The following SYT12 variants were observed in gnomAD, a reference collection of about 807,000 sequenced individuals.
SYT12 encodes the protein synaptotagmin 12, also known as synaptotagmin-12.
Under a neutral mutation model 39.5 loss-of-function variants are expected in SYT12, and 27 were observed. The ratio of observed to expected loss-of-function variants is 0.68; its 90% CI spans 0.50 to 0.94. The LOEUF is 0.94. Among genes scored for constraint, SYT12 ranks in the 40% least tolerant of loss-of-function variants. The probability of loss-of-function intolerance (pLI) is 0.00; values close to 1 mark genes in which losing one functional copy is unlikely to be tolerated. For missense variants in SYT12, 536 were observed against 572.6 expected (o/e 0.94, Z 0.65); for synonymous variants, 233 against 239.7 (o/e 0.97, Z 0.26).
At chr11:67,042,628 T>C (rs1055064903) in intron 4 of SYT12, among the ~76,000 whole-genome samples, 1 of 152,254 alleles carries the variant, frequency 6.6e-6, no homozygotes, top group East Asian at 1.9e-4. Context: ...GAATGGCTGG[T>C]TGGGGAGCCC....
chr11:67,041,555 C>G (rs746808899), intron 4 of SYT12, among the ~76,000 whole-genome samples: 2 of 152,100 alleles, frequency 1.3e-5, no homozygotes, highest in Non-Finnish European at 2.9e-5. Flanking sequence ...GGGGCAGCCT[C>G]AGGGATGGCA....
In SYT12 at chr11:67,039,874, C is replaced by T. The variant is rs1487174546; in HGVS notation, c.292C>T (p.Leu98Phe). The T allele has an allele frequency of 6.2e-7, 1 of 1,613,590 alleles. No individual in the cohort carries two copies. The highest frequency in any genetic ancestry group is 8.5e-7 in the Non-Finnish European group (1 of 1,180,032). ...GGGACCACCCAGCCGCAAAGGCAGT[C>T]TCAGCATTGAGGACACCTTTGAGAG... The part of the protein sequence containing the change: ...TRGPPSRKGS[L>F]SIEDTFESIS... Residue 98 changes from leucine to phenylalanine, a missense_variant, in exon 4 of 8, where the codon CTC becomes TTC. Leu to Phe is a conservative substitution (Grantham distance 22, BLOSUM62 0). Coordinates refer to ENST00000527043, the MANE Select transcript of SYT12 (RefSeq NM_177963.4).
chr11:67,017,244 G>A (rs1253439), intron 3 of SYT12, among the ~76,000 whole-genome samples: 44,636 of 152,048 alleles, frequency 0.29, 6,748 homozygotes, highest in Non-Finnish European at 0.33. Flanking sequence ...AGTTGAGGCC[G>A]GGTATGGTGG....
chr11:67,037,579 A>G (rs1034666374), intron 3 of SYT12, among the ~76,000 whole-genome samples: 2 of 151,460 alleles, frequency 1.3e-5, no homozygotes, highest in Non-Finnish European at 2.9e-5. Context: ...TAAATAAATA[A>G]ATAAATAAAA....
At chr11:67,018,801 C>A (rs909060827), upstream of SYT12, among the ~76,000 whole-genome samples, 1 of 150,926 alleles carries the variant, frequency 6.6e-6, no homozygotes, top group Admixed American at 6.6e-5. Context: ...CCAGCCTGGG[C>A]GACAGAGCGA....
chr11:67,008,699 C>T (rs1949990086), intron 1 of SYT12, among the ~76,000 whole-genome samples: 1 of 152,010 alleles, frequency 6.6e-6, no homozygotes, highest in Non-Finnish European at 1.5e-5. Flanking sequence ...TACAGGCATG[C>T]GGCATCATGC....
At chr11:67,035,917 T>G (rs1950372586) in intron 3 of SYT12, among the ~76,000 whole-genome samples, 1 of 135,628 alleles carries the variant, frequency 7.4e-6, no homozygotes, top group Non-Finnish European at 1.6e-5. Context: ...CTTCCTTCCT[T>G]TCTTTTCTTT....
At position 67,043,730 on chromosome 11, in the gene SYT12, T is replaced by C. The variant is rs946693810; in HGVS notation, c.714T>C (p.Ser238=). 2.0e-5 allele frequency: 32 copies of C among 1,614,048 alleles called. No homozygotes were observed. The highest frequency in any genetic ancestry group is 2.5e-5 in the Non-Finnish European group (30 of 1,180,046). Residue 238 remains serine, a synonymous_variant, in exon 5 of 8, where the codon TCT becomes TCC. Transcript: ENST00000527043. ...TALEEKSLRF[S]VFGIDEDERN... ...TGGAGGAGAAGAGCCTGCGGTTTTCTGTATTTGGCATCGATGAGGATGAGC... is the reference window on the plus strand; with the variant it reads ...TGGAGGAGAAGAGCCTGCGGTTTTCCGTATTTGGCATCGATGAGGATGAGC...
At position 67,048,658 on chromosome 11, in the gene SYT12, T is replaced by C. The variant is rs1360885883; in HGVS notation, c.1167T>C (p.Ile389=). The C allele has an allele frequency of 6.2e-7, 1 of 1,612,762 alleles. No homozygotes were observed. Among genetic ancestry groups the C allele is most frequent in the Non-Finnish European group, 8.5e-7 (1 of 1,179,266 alleles). ...GRGDNVGHVI[I]GPSASGMGTT... ...GGGACAACGTGGGCCATGTCATCAT[T>C]GGGCCGTCAGCCAGTGGCATGGGAA... Residue 389 remains isoleucine, a synonymous_variant, in exon 8 of 8, where the codon ATT becomes ATC. Transcript: ENST00000527043.
At chr11:67,025,387 G>C (rs921603260) in intron 1 of SYT12, among the ~76,000 whole-genome samples, 8 of 152,224 alleles carry the variant, frequency 5.3e-5, no homozygotes, top group African/African-American at 1.2e-4. Flanking sequence ...ATTTGGGACT[G>C]AACGAATTGG....
At chr11:67,042,026 G>A (rs1323804319) in intron 4 of SYT12, among the ~76,000 whole-genome samples, 1 of 152,160 alleles carries the variant, frequency 6.6e-6, no homozygotes, top group South Asian at 2.1e-4. Context: ...CGAGGAGGGC[G>A]TGTTTAGGGC....
At chr11:67,009,285 C>T (rs780312486) in intron 1 of SYT12, among the ~76,000 whole-genome samples, 1 of 152,076 alleles carries the variant, frequency 6.6e-6, no homozygotes, top group Non-Finnish European at 1.5e-5. Flanking sequence ...GGGTTACAGG[C>T]GTGAGCCACT....
intron 3 of SYT12, among the ~76,000 whole-genome samples, chr11:67,011,197 A>AAAATG (rs1026062524): frequency 1.3e-5 from 2 of 152,160 alleles, no homozygotes; most frequent in East Asian, 1.9e-4. Context: ...CATCTCTAAC[A>AAAATG]AAATGAAATG....
chr11:67,039,058 C>T (rs1418588323), intron 3 of SYT12, among the ~76,000 whole-genome samples: 1 of 151,934 alleles, frequency 6.6e-6, no homozygotes, highest in Non-Finnish European at 1.5e-5. Context: ...AATCCCAGCA[C>T]TTTGGGAGGC....
At chr11:67,037,207 T>C (rs1486807817) in intron 3 of SYT12, among the ~76,000 whole-genome samples, 1 of 151,948 alleles carries the variant, frequency 6.6e-6, no homozygotes, top group African/African-American at 2.4e-5. Context: ...CAGTGCACTC[T>C]AGCCTGGGCA....
chr11:67,006,970 AG>A (rs1949975021), exon 1 of SYT12: 1 of 152,238 alleles, frequency 6.6e-6, no homozygotes, highest in East Asian at 1.9e-4. Flanking sequence ...TGCTTCAGCC[AG>A]CTTGAGCGGT....
At chr11:67,016,638 C>T (rs1400177846) in intron 3 of SYT12, among the ~76,000 whole-genome samples, 1 of 152,172 alleles carries the variant, frequency 6.6e-6, no homozygotes, top group Non-Finnish European at 1.5e-5. Flanking sequence ...AACCGTATGC[C>T]CTATTCTGTG....
At chr11:67,031,680 C>G (rs541711700) in intron 2 of SYT12, 1 of 152,216 alleles carries the variant, frequency 6.6e-6, no homozygotes, top group African/African-American at 2.4e-5. Context: ...TGCGAATTGT[C>G]ATTTCATGTC....
chr11:67,020,588 G>T (rs560784268), upstream of SYT12, among the ~76,000 whole-genome samples: 1 of 152,118 alleles, frequency 6.6e-6, no homozygotes, highest in Non-Finnish European at 1.5e-5. Context: ...GCATCCTCCC[G>T]TAGGCCCCTC....
Sources: gnomAD v4.1 joint callset for allele counts (sites outside exome capture counted in the v4.1 genomes callset) on GRCh38, gnomAD v4.1.1 for gene constraint, MANE v1.5 for transcripts, NCBI Gene and HGNC (gene_info 2026-07-23, HGNC 2026-07-21) for gene names.